FGF20: variants seen among roughly 807,000 people sequenced by gnomAD.
FGF20 encodes fibroblast growth factor 20.
A neutral mutation model predicts 16.7 loss-of-function variants in FGF20; 8 were observed. That is an observed-to-expected ratio of 0.48 (90% CI 0.28 to 0.87). The LOEUF (loss-of-function observed/expected upper bound fraction) is 0.87. FGF20 is among the 40% of genes least tolerant of loss of function. The probability of loss-of-function intolerance (pLI) is 0.10; values close to 1 mark genes in which losing one functional copy is unlikely to be tolerated. For missense variants in FGF20, 397 were observed against 281.4 expected (o/e 1.41, Z -2.94); for synonymous variants, 161 against 118.6 (o/e 1.36, Z -2.32).
chr8:16,994,851 C>T (rs972410412), intron 2 of FGF20, among the ~76,000 whole-genome samples: 20 of 151,998 alleles, frequency 1.3e-4, no homozygotes, highest in Non-Finnish European at 2.9e-4. Flanking sequence ...CTTATAAAAG[C>T]ATTTAGGCAA....
chr8:17,001,859 C>T lies in FGF20; in HGVS notation c.174G>A (p.Ala58=). Residue 58 remains alanine (A), a synonymous_variant, in exon 1 of 3, where the codon GCG becomes GCA. Coordinates refer to ENST00000180166, the MANE Select transcript of FGF20 (RefSeq NM_019851.3). ...GGCGGCGCAGGATGCCGTGCAGGTGCGCCAGCTGCGCAGCCCCCGGCCCGC... is the reference window on the plus strand; with the variant it reads ...GGCGGCGCAGGATGCCGTGCAGGTGTGCCAGCTGCGCAGCCCCCGGCCCGC... ...ARGGPGAAQL[A]HLHGILRRRQ... 1 of 1,484,800 alleles carries T rather than the reference C, an allele frequency of 6.7e-7. No homozygotes were observed. Among genetic ancestry groups the T allele is most frequent in the Non-Finnish European group, 8.9e-7 (1 of 1,119,340 alleles). The allele number at this position is 1,484,800 out of a possible 1,614,324, so 92.0% of individuals were successfully genotyped here.
In FGF20 at chr8:16,995,052, T is replaced by C. The variant is rs1304895899; in HGVS notation, c.390+603A>G. ...TAACTTAAGTGGCATATTTAAACATTTATAGTAGACCCACAGACGTGCACT... is the reference window on the plus strand; with the variant it reads ...TAACTTAAGTGGCATATTTAAACATCTATAGTAGACCCACAGACGTGCACT... On this transcript the variant is annotated intron_variant, in intron 2 of 2. Coordinates refer to ENST00000180166, the MANE Select transcript of FGF20 (RefSeq NM_019851.3). 2.6e-5 allele frequency among the ~76,000 whole-genome samples: 4 copies of C among 152,298 alleles called. No individual in the cohort carries two copies. The South Asian group carries it at 8.3e-4, about 32-fold the overall frequency.
chr8:16,994,365 C>G (rs1809994588), intron 2 of FGF20, among the ~76,000 whole-genome samples: 1 of 152,128 alleles, frequency 6.6e-6, no homozygotes, highest in South Asian at 2.1e-4. Flanking sequence ...TTATCTGGAT[C>G]TTTTACGATT....
rs1185043526 is a variant in FGF20 at position 16,992,832 on chromosome 8, G to A, written c.*240C>T. On this transcript the variant is annotated 3_prime_UTR_variant, in exon 3 of 3. Transcript: ENST00000180166. Reference sequence around the variant, plus strand: ...AACAGATTTTTGGCTTCAGTCTACTGGTAAGGACTAATCCAATGTATCTAA... The same window carrying A: ...AACAGATTTTTGGCTTCAGTCTACTAGTAAGGACTAATCCAATGTATCTAA... The A allele has an allele frequency of 2.1e-5, 9 of 427,962 alleles. No individual in the cohort carries two copies. Among genetic ancestry groups the A allele is most frequent in the Admixed American group, 4.1e-5 (1 of 24,188 alleles). 26.5% of individuals were successfully genotyped at this position (427,962 alleles called of 1,614,324 possible).
rs779979768 is a variant in FGF20 at position 16,992,906 on chromosome 8, A to AG, written c.*165_*166insC. The AG allele has an allele frequency of 7.1e-5, 53 of 746,766 alleles. No homozygotes were observed. The Middle Eastern group carries it at 1.1e-3, about 16-fold the overall frequency. The allele number at this position is 746,766 out of a possible 1,614,324, so 46.3% of individuals were successfully genotyped here. On this transcript the variant is annotated 3_prime_UTR_variant, in exon 3 of 3. Coordinates refer to ENST00000180166, the MANE Select transcript of FGF20 (RefSeq NM_019851.3). ...AGTGATCATGATCTATTTCTAGTCA[A>AG]AATTTTTTTTGGTTTTTTTTCTCAA...
At chr8:16,996,068 A>G (rs1463686847) in intron 1 of FGF20, among the ~76,000 whole-genome samples, 1 of 152,168 alleles carries the variant, frequency 6.6e-6, no homozygotes, top group Non-Finnish European at 1.5e-5. Flanking sequence ...CACCCTTTGC[A>G]GCGGGGAGGA....
rs1303444901 is a variant in FGF20, at chr8:16,995,730, C to T, written c.315G>A (p.Val105=). 1 of 1,603,768 alleles carries T rather than the reference C, an allele frequency of 6.2e-7. No homozygotes were observed. The highest frequency in any genetic ancestry group is 2.2e-5 in the East Asian group (1 of 44,824). ...FGILEFISVA[V]GLVSIRGVDS... is the part of the protein sequence containing the mutation. ...CCACACCTCTAATACTGACCAGTCC[C>T]ACTGCCACACTGATGAATTCCAAGA... is the stretch of plus-strand genomic sequence containing the variant. Residue 105 remains valine (V), a synonymous_variant, in exon 2 of 3, where the codon GTG becomes GTA. Transcript: ENST00000180166.
At position 17,002,163 on chromosome 8, in the gene FGF20, G is replaced by T. The variant is rs547518989; in HGVS notation, c.-131C>A. On this transcript the variant is annotated 5_prime_UTR_variant, in exon 1 of 3. Coordinates refer to ENST00000180166, the MANE Select transcript of FGF20 (RefSeq NM_019851.3). ...AAGGCCCGGTTACTCCTCTGAGGTC[G>T]CTCCGGAGGGACTTTGCACTGAAAT... 23 of 885,140 alleles carry T rather than the reference G, an allele frequency of 2.6e-5. No individual in the cohort carries two copies. In the African/African-American group the frequency reaches 3.7e-4, roughly 14 times the overall value. 54.8% of individuals were successfully genotyped at this position (885,140 alleles called of 1,614,324 possible).
In FGF20 at chr8:16,995,639, T is replaced by TA; in HGVS notation, c.390+15dup. The TA allele has an allele frequency of 8.6e-7, 1 of 1,166,206 alleles. No individual in the cohort carries two copies. 72.2% of individuals were successfully genotyped at this position (1,166,206 alleles called of 1,614,324 possible). On this transcript the variant is annotated intron_variant, in intron 2 of 2. Transcript: ENST00000180166. ...TAAGAATTACAATAATAATAAAAAA[T>TA]AAAAATAATACGTACTGATCCATAG...
At position 17,001,904 on chromosome 8, in the gene FGF20, C is replaced by A. The variant is rs992812765; in HGVS notation, c.129G>T (p.Ala43=). The change falls in exon 1 of 3, where the codon GCG becomes GCT. Residue 43 remains alanine, a synonymous_variant. Coordinates refer to ENST00000180166, the MANE Select transcript of FGF20 (RefSeq NM_019851.3). ...GCCCGCCGCGCGCGCTCCGCTCCGC[C>A]GCGCTCCTGCGCTCGCCCAGCAGCG... ...RPPLLGERRS[A]AERSARGGPG... 6 of 1,467,204 alleles carry A rather than the reference C, an allele frequency of 4.1e-6. No individual in the cohort carries two copies. Among genetic ancestry groups the A allele is most frequent in the Non-Finnish European group, 5.4e-6 (6 of 1,111,476 alleles). The allele number at this position is 1,467,204 out of a possible 1,614,324, so 90.9% of individuals were successfully genotyped here.
At chr8:16,994,893 A>C (rs1035199529) in intron 2 of FGF20, among the ~76,000 whole-genome samples, 9 of 152,204 alleles carry the variant, frequency 5.9e-5, no homozygotes, top group African/African-American at 2.2e-4. Context: ...TTAACAATGA[A>C]AGAGAAAAAT....
Position 16,993,189 on chromosome 8 carries a change from T to G in FGF20, c.519A>C (p.Gly173=). 6.2e-7 allele frequency: 1 copy of G among 1,614,136 alleles called. No individual in the cohort carries two copies. The highest frequency in any genetic ancestry group is 8.5e-7 in the Non-Finnish European group (1 of 1,180,024). The change falls in exon 3 of 3, where the codon GGA becomes GGC. Residue 173 remains glycine, a synonymous_variant. Coordinates refer to ENST00000180166, the MANE Select transcript of FGF20 (RefSeq NM_019851.3). The part of the protein sequence containing the change: ...RRYFVALNKD[G]TPRDGARSKR... Reference sequence around the variant, plus strand: ...TGGACCTGGCGCCATCTCTTGGAGTTCCGTCTTTGTTAAGTGCCACAAAAT... The same window carrying G: ...TGGACCTGGCGCCATCTCTTGGAGTGCCGTCTTTGTTAAGTGCCACAAAAT...
intron 2 of FGF20, among the ~76,000 whole-genome samples, 189 bp from the exon 3 acceptor site, chr8:16,993,506 G>A (rs1449705410): frequency 6.6e-6 from 1 of 152,114 alleles, no homozygotes; most frequent in African/African-American, 2.4e-5. Context: ...TCATCTGGCA[G>A]TGTACTTTAA....
At position 16,993,080 on chromosome 8, in the gene FGF20, A is replaced by G. The variant is rs780961429; in HGVS notation, c.628T>C (p.Tyr210His). The part of the protein sequence containing the change: ...VPELYKDLLM[Y>H]T ...AATGTCACTATCGCACTTCAAGTGT[A>G]CATCAGTAGGTCCTTGTACAATTCT... is the stretch of plus-strand genomic sequence containing the variant. The change falls in exon 3 of 3, where the codon TAC becomes CAC. Residue 210 changes from tyrosine (Y) to histidine (H), a missense_variant. Coordinates refer to ENST00000180166, the MANE Select transcript of FGF20 (RefSeq NM_019851.3). 8 of 1,613,968 alleles carry G rather than the reference A, an allele frequency of 5.0e-6. No individual in the cohort carries two copies. The South Asian group carries it at 8.8e-5, about 18-fold the overall frequency.
rs1317400150 is a variant in FGF20, at chr8:16,995,739, A to G, written c.306T>C (p.Ser102=). ...TAATACTGACCAGTCCCACTGCCACACTGATGAATTCCAAGATACCTGCAT... is the reference window on the plus strand; with the variant it reads ...TAATACTGACCAGTCCCACTGCCACGCTGATGAATTCCAAGATACCTGCAT... ...HSLFGILEFI[S]VAVGLVSIRG... is the part of the protein sequence containing the mutation. The change falls in exon 2 of 3, where the codon AGT becomes AGC. Residue 102 remains serine, a synonymous_variant. Coordinates refer to ENST00000180166, the MANE Select transcript of FGF20 (RefSeq NM_019851.3). The G allele has an allele frequency of 1.3e-6, 2 of 1,599,776 alleles. No individual in the cohort carries two copies. The highest frequency in any genetic ancestry group is 1.7e-5 in the Admixed American group (1 of 58,798).
At chr8:16,994,924 G>C (rs1268793254) in intron 2 of FGF20, among the ~76,000 whole-genome samples, 1 of 152,196 alleles carries the variant, frequency 6.6e-6, no homozygotes, top group Non-Finnish European at 1.5e-5. Flanking sequence ...CTGTAAGGTA[G>C]AGTGTGATAT....
chr8:17,001,889 C>A lies in FGF20; in HGVS notation c.144G>T (p.Ala48=), dbSNP rs10448135. 7.0e-7 allele frequency: 1 copy of A among 1,431,414 alleles called. No individual in the cohort carries two copies. The highest frequency in any genetic ancestry group is 9.1e-7 in the Non-Finnish European group (1 of 1,096,832). 88.7% of individuals were successfully genotyped at this position (1,431,414 alleles called of 1,614,324 possible). The part of the protein sequence containing the change: ...GERRSAAERS[A]RGGPGAAQLA... ...GCTGCGCAGCCCCCGGCCCGCCGCG[C>A]GCGCTCCGCTCCGCCGCGCTCCTGC... Residue 48 remains alanine, a synonymous_variant, in exon 1 of 3, where the codon GCG becomes GCT. Transcript: ENST00000180166.
At chr8:16,994,414 C>G (rs1464681477) in intron 2 of FGF20, among the ~76,000 whole-genome samples, 2 of 152,088 alleles carry the variant, frequency 1.3e-5, no homozygotes, top group Non-Finnish European at 2.9e-5. Context: ...GTATATTGTC[C>G]TAAGTGATAA....
Sources: allele counts gnomAD v4.1 joint callset (sites outside exome capture counted in the v4.1 genomes callset), GRCh38; gene constraint gnomAD v4.1.1; transcripts MANE v1.5; gene names NCBI Gene and HGNC (gene_info 2026-07-23, HGNC 2026-07-21).